Variants in NDEL1 observed in about 807,000 individuals in gnomAD.
NDEL1 encodes the protein nuclear distribution protein nudE-like 1.
A neutral mutation model predicts 45.7 loss-of-function variants in NDEL1; 9 were observed. That is an observed-to-expected ratio of 0.20 (90% CI 0.12 to 0.34). The LOEUF is 0.34. Ranked by LOEUF, NDEL1 falls within the 10% of genes least tolerant of loss-of-function variation. The pLI is 1.00. For synonymous variants in NDEL1, 133 were observed against 158.6 expected (o/e 0.84, Z 1.21); for missense variants, 306 against 406.2 (o/e 0.75, Z 2.12).
chr17:8,460,934 T>C (rs1472674281), intron 8 of NDEL1, among the ~76,000 whole-genome samples: 3 of 152,232 alleles, frequency 2.0e-5, no homozygotes, highest in African/African-American at 7.2e-5. Context: ...TCAATTTACT[T>C]ATTTATTTTT....
At chr17:8,468,704 T>G (rs180885607), downstream of NDEL1, among the ~76,000 whole-genome samples, 23 of 152,342 alleles carry the variant, frequency 1.5e-4, no homozygotes, top group African/African-American at 5.3e-4. Flanking sequence ...CAGAAACATT[T>G]TATAGTTTTA....
chr17:8,469,133 T>G (rs964900983), downstream of NDEL1, among the ~76,000 whole-genome samples: 3 of 152,188 alleles, frequency 2.0e-5, no homozygotes, highest in African/African-American at 7.2e-5. Context: ...GAGCTGAGTC[T>G]CCAGGGACAC....
chr17:8,467,368 G>C lies in NDEL1; in HGVS notation c.*345G>C, dbSNP rs2151745855. ...TAGCCCCCACTCTGCTGTACTGATA[G>C]GATTTAGTTGTGTTTTAGGACATTG... On this transcript the variant is annotated 3_prime_UTR_variant, in exon 9 of 9. Transcript: ENST00000334527. This position sits in a 1 kb window ranked among gnomAD's most constrained non-coding sequence, Gnocchi z 6.3. 2.2e-6 allele frequency: 1 copy of C among 451,376 alleles called. No individual in the cohort carries two copies. Among genetic ancestry groups the C allele is most frequent in the East Asian group, 3.4e-5 (1 of 28,986 alleles). 28.0% of individuals were successfully genotyped at this position (451,376 alleles called of 1,614,324 possible). A position where few individuals can be genotyped will look rare whatever the true frequency, so the allele number is the denominator to read the frequency against.
rs1226220290 is a variant in NDEL1 at position 8,466,959 on chromosome 17, C to T, written c.974C>T (p.Pro325Leu). The T allele has an allele frequency of 1.9e-6, 3 of 1,614,250 alleles. No individual in the cohort carries two copies. The highest frequency in any genetic ancestry group is 1.7e-6 in the Non-Finnish European group (2 of 1,180,046). ...GAVNGFDPAP[P>L]PPGLGSSRPS... ...GTAAACGGCTTTGACCCCGCTCCTC[C>T]TCCTCCTGGTCTGGGCTCCTCGCGT... The change falls in exon 9 of 9, where the codon CCT becomes CTT. Residue 325 changes from proline (P) to leucine (L), a missense_variant. Pro to Leu is a moderately conservative substitution (Grantham distance 98). Transcript: ENST00000334527.
At chr17:8,470,952 C>T (rs559959247), downstream of NDEL1, among the ~76,000 whole-genome samples, 189 of 152,314 alleles carry the variant, frequency 1.2e-3, 2 homozygotes, top group African/African-American at 4.1e-3. The surrounding 1 kb of genome is among the most constrained non-coding windows in gnomAD (Gnocchi z 4.2). Flanking sequence ...TGGAAGCTGG[C>T]ACTTCTGGGA....
At chr17:8,453,543 A>G (rs533087019) in intron 6 of NDEL1, among the ~76,000 whole-genome samples, 2 of 152,308 alleles carry the variant, frequency 1.3e-5, no homozygotes, top group East Asian at 3.9e-4. Flanking sequence ...TCATGATGTC[A>G]TATTATCTCT....
chr17:8,442,928 T>C (rs990760612), intron 1 of NDEL1, among the ~76,000 whole-genome samples: 2 of 152,026 alleles, frequency 1.3e-5, no homozygotes, highest in Non-Finnish European at 1.5e-5. Flanking sequence ...TACAGGCGCC[T>C]GCCACCACGC....
intron 1 of NDEL1, among the ~76,000 whole-genome samples, chr17:8,430,127 T>C (rs1908963088): frequency 1.3e-5 from 2 of 151,882 alleles, no homozygotes; most frequent in African/African-American, 4.8e-5. Flanking sequence ...AACATGAAAA[T>C]TGTTTTGGAA....
At chr17:8,448,982 T>C (rs1007820817) in intron 5 of NDEL1, among the ~76,000 whole-genome samples, 3 of 152,192 alleles carry the variant, frequency 2.0e-5, no homozygotes, top group Non-Finnish European at 4.4e-5. Flanking sequence ...CAGAAGAAGC[T>C]TAGAGTCAAC....
intron 8 of NDEL1, 111 bp from the exon 9 acceptor site, chr17:8,466,819 C>T (rs1911625875): frequency 8.3e-6 from 9 of 1,087,698 alleles, no homozygotes; most frequent in Non-Finnish European, 1.2e-5. Flanking sequence ...ACCCTACAGC[C>T]TGCGAGGAAT....
At chr17:8,437,964 AT>A (rs929643043) in intron 1 of NDEL1, among the ~76,000 whole-genome samples, 10 of 149,646 alleles carry the variant, frequency 6.7e-5, no homozygotes, top group African/African-American at 1.5e-4. Context: ...GAGAATAATA[AT>A]TTTTTTTTTC....
rs975810124 is a variant in NDEL1 at position 8,448,556 on chromosome 17, A to G, written c.396A>G (p.Thr132=). ...NDDLERAKRA[T]IVSLEDFEQR... ...CTCTAATTTTTCTTTTTAGGGCAAC[A>G]ATAGTTTCACTGGAAGACTTTGAAC... Residue 132 remains threonine, a synonymous_variant, in exon 5 of 9, where the codon ACA becomes ACG. Coordinates refer to ENST00000334527, the MANE Select transcript of NDEL1 (RefSeq NM_030808.5). 5 of 1,612,374 alleles carry G rather than the reference A, an allele frequency of 3.1e-6. No homozygotes were observed. The highest frequency in any genetic ancestry group is 3.4e-6 in the Non-Finnish European group (4 of 1,179,128).
chr17:8,455,779 G>T (rs1910802161), intron 7 of NDEL1, among the ~76,000 whole-genome samples: 1 of 151,594 alleles, frequency 6.6e-6, no homozygotes, highest in African/African-American at 2.4e-5. Flanking sequence ...CTCATCAAGA[G>T]TATTACCCCA....
At chr17:8,460,306 G>A (rs3817003) in intron 8 of NDEL1, 146 bp downstream of exon 8, 460,047 of 823,174 alleles carry the variant, frequency 0.56, 131,491 homozygotes, top group East Asian at 0.62. Flanking sequence ...GTGACATGAC[G>A]TCTGTTGTTG....
At chr17:8,449,354 C>G (rs1177501835) in intron 5 of NDEL1, among the ~76,000 whole-genome samples, 1 of 152,166 alleles carries the variant, frequency 6.6e-6, no homozygotes, top group African/African-American at 2.4e-5. Flanking sequence ...GTTTTGAACC[C>G]TTGGCCTTAA....
chr17:8,471,687 T>C (rs984701316), downstream of NDEL1, among the ~76,000 whole-genome samples: 2 of 152,196 alleles, frequency 1.3e-5, no homozygotes, highest in African/African-American at 4.8e-5. Flanking sequence ...GTGAATGCCT[T>C]TGAAAAGCAG....
chr17:8,417,561 C>T (rs1222766043), intron 1 of NDEL1, among the ~76,000 whole-genome samples: 1 of 152,168 alleles, frequency 6.6e-6, no homozygotes, highest in Non-Finnish European at 1.5e-5. Context: ...GTGCGTGTGT[C>T]TGTATCTGGC....
At chr17:8,432,328 A>ATATATAAT (rs1189858225), upstream of NDEL1, among the ~76,000 whole-genome samples, 1 of 106,566 alleles carries the variant, frequency 9.4e-6, no homozygotes, top group African/African-American at 3.2e-5. Context: ...TTTATATATA[A>ATATATAAT]ATATATATAT....
chr17:8,456,688 G>C (rs1910869236), intron 7 of NDEL1, among the ~76,000 whole-genome samples: 1 of 151,918 alleles, frequency 6.6e-6, no homozygotes, highest in Non-Finnish European at 1.5e-5. Context: ...TAGTAGAGAC[G>C]GGGTTTCACC....
Sources: gnomAD v4.1 joint callset for allele counts (sites outside exome capture counted in the v4.1 genomes callset) on GRCh38, gnomAD v4.1.1 for gene constraint, Gnocchi (gnomAD v3.1) non-coding constraint, MANE v1.5 for transcripts, NCBI Gene and HGNC (gene_info 2026-07-23, HGNC 2026-07-21) for gene names.